Variants in CCDC60 observed in about 807,000 individuals in gnomAD.
CCDC60 encodes coiled-coil domain-containing protein 60.
A neutral mutation model predicts 63.5 loss-of-function variants in CCDC60; 54 were observed. The observed-to-expected ratio is 0.85, with a 90% CI of 0.68 to 1.07. The LOEUF is 1.07. CCDC60 is among the 50% of genes least tolerant of loss of function. The pLI, the probability that CCDC60 is intolerant of heterozygous loss-of-function variation, is 0.00. For synonymous variants in CCDC60, 206 were observed against 238.8 expected (o/e 0.86, Z 1.27); for missense variants, 651 against 684.3 (o/e 0.95, Z 0.54).
intron 1 of CCDC60, among the ~76,000 whole-genome samples, chr12:119,421,055 T>C (rs760627235): frequency 6.1e-4 from 93 of 152,038 alleles, no homozygotes; most frequent in Admixed American, 1.4e-3. Flanking sequence ...CGCTCACCCC[T>C]CGACGGAGCA....
chr12:119,516,225 C>A (rs1431118019), intron 7 of CCDC60, among the ~76,000 whole-genome samples: 1 of 152,134 alleles, frequency 6.6e-6, no homozygotes, highest in African/African-American at 2.4e-5. Flanking sequence ...CATGCCTCAG[C>A]CCCCTGAGAA....
intron 2 of CCDC60, among the ~76,000 whole-genome samples, chr12:119,443,750 T>C (rs1593095838): frequency 6.6e-6 from 1 of 152,156 alleles, no homozygotes; most frequent in Non-Finnish European, 1.5e-5. Flanking sequence ...TCACAGGCAA[T>C]AGAACAAAAC....
chr12:119,337,642 A>G (rs1162031572), intron 1 of CCDC60, among the ~76,000 whole-genome samples: 2 of 152,206 alleles, frequency 1.3e-5, no homozygotes, highest in Non-Finnish European at 2.9e-5. Context: ...TCTAGTTAAA[A>G]ATGAGACTCG....
chr12:119,438,836 G>C (rs758712265), intron 2 of CCDC60, among the ~76,000 whole-genome samples: 1 of 152,078 alleles, frequency 6.6e-6, no homozygotes, highest in Non-Finnish European at 1.5e-5. Context: ...TTCTCCTCTT[G>C]GGATGGGACT....
At chr12:119,344,853 T>TCACACACA (rs1489223455) in intron 1 of CCDC60, among the ~76,000 whole-genome samples, 469 of 104,020 alleles carry the variant, frequency 4.5e-3, no homozygotes, top group Non-Finnish European at 6.4e-3. Flanking sequence ...TCTCTCTCTC[T>TCACACACA]CTCACACACA....
In CCDC60 at chr12:119,500,143, G is replaced by A; in HGVS notation, c.623G>A (p.Trp208Ter). ...INKDKSMGQK[W>*]EHFITAPKTK... ...AAGGACAAGTCCATGGGACAGAAAT[G>A]GGAGCATTTCATCACAGCGCCAAAG... Residue 208 changes from tryptophan to a stop codon, truncating the protein, a stop_gained, in exon 6 of 14, where the codon TGG becomes TAG. Transcript: ENST00000327554. LOFTEE classifies it high-confidence loss of function. 1 of 1,610,598 alleles carries A rather than the reference G, an allele frequency of 6.2e-7. No individual in the cohort carries two copies. The highest frequency in any genetic ancestry group is 8.5e-7 in the Non-Finnish European group (1 of 1,178,754).
intron 8 of CCDC60, among the ~76,000 whole-genome samples, chr12:119,519,414 TGTGTGTGTGTGTGTGTGTGTGCGC>T (rs1203008939): frequency 7.3e-6 from 1 of 137,492 alleles, no homozygotes; most frequent in Admixed American, 7.4e-5. Context: ...TGTGTGTGTG[TGTGTGTGTGTGTGTGTGTGTGCGC>T]GTGTGTGTGT....
At chr12:119,357,349 T>C (rs190621014) in intron 1 of CCDC60, among the ~76,000 whole-genome samples, 1 of 152,302 alleles carries the variant, frequency 6.6e-6, no homozygotes, top group Non-Finnish European at 1.5e-5. Context: ...ATTTCTTCCA[T>C]CTAACTATAT....
chr12:119,448,111 A>C (rs1046217182), intron 2 of CCDC60, among the ~76,000 whole-genome samples: 3 of 152,018 alleles, frequency 2.0e-5, no homozygotes, highest in African/African-American at 7.3e-5. Context: ...CATGATGCCT[A>C]TAGTAACAAT....
chr12:119,433,850 C>T (rs756597641), intron 2 of CCDC60, among the ~76,000 whole-genome samples: 12 of 152,164 alleles, frequency 7.9e-5, no homozygotes, highest in Non-Finnish European at 1.2e-4. Context: ...TCGCCTGTTC[C>T]GTCAGATGTT....
Position 119,540,702 on chromosome 12 carries a change from G to A in CCDC60, c.1640G>A (p.Ser547Asn), listed in dbSNP as rs149106624. ...SRINIPIGPY[S>N]ALR is the part of the protein sequence containing the mutation. Reference sequence around the variant, plus strand: ...ATCAACATACCCATTGGGCCCTACAGCGCCCTGAGGTAGGCTGGGCCTGGG... The same window carrying A: ...ATCAACATACCCATTGGGCCCTACAACGCCCTGAGGTAGGCTGGGCCTGGG... Residue 547 changes from serine to asparagine, a missense_variant, in exon 14 of 14, where the codon AGC becomes AAC. Ser to Asn is a conservative substitution (Grantham distance 46). Coordinates refer to ENST00000327554, the MANE Select transcript of CCDC60 (RefSeq NM_178499.5). The A allele has an allele frequency of 3.4e-3, 5,564 of 1,613,250 alleles. 101 individuals carry two copies. The highest frequency in any genetic ancestry group is 0.033 in the South Asian group (2,984 of 91,048).
chr12:119,352,729 G>A (rs971966994), intron 1 of CCDC60, among the ~76,000 whole-genome samples: 4 of 152,082 alleles, frequency 2.6e-5, no homozygotes, highest in African/African-American at 9.7e-5. Context: ...TGAAGGTCAG[G>A]AATTCGAGAC....
Position 119,357,706 on chromosome 12 carries a change from G to A in CCDC60, c.90+22440G>A, listed in dbSNP as rs1426550916. The stretch of plus-strand genomic sequence containing the variant: ...CGACCTCAGGTGATCCACCCACTTC[G>A]GCCTCCCAAAGTGCTGGGATTACAG... On this transcript the variant is annotated intron_variant, in intron 1 of 13. Transcript: ENST00000327554. 2.6e-5 allele frequency among the ~76,000 whole-genome samples: 4 copies of A among 152,044 alleles called. 1 individual carries two copies. Among genetic ancestry groups the A allele is most frequent in the Non-Finnish European group, 5.9e-5 (4 of 68,012 alleles).
chr12:119,370,301 G>T (rs1312201151), intron 1 of CCDC60, among the ~76,000 whole-genome samples: 1 of 152,248 alleles, frequency 6.6e-6, no homozygotes, highest in East Asian at 1.9e-4. Flanking sequence ...ATGTCAGGCA[G>T]ACAGTGCGCC....
At chr12:119,532,817 T>C (rs984086423) in intron 13 of CCDC60, among the ~76,000 whole-genome samples, 4 of 152,232 alleles carry the variant, frequency 2.6e-5, no homozygotes, top group Admixed American at 1.3e-4. Context: ...CAGTCTATCA[T>C]TGATGGGCAT....
chr12:119,480,766 A>G (rs768271777), intron 4 of CCDC60, among the ~76,000 whole-genome samples: 8 of 149,406 alleles, frequency 5.4e-5, no homozygotes, highest in Non-Finnish European at 8.9e-5. Flanking sequence ...CATCATCATC[A>G]TCACCATCAT....
intron 2 of CCDC60, among the ~76,000 whole-genome samples, chr12:119,468,837 G>T (rs1951002194): frequency 1.3e-5 from 2 of 151,942 alleles, no homozygotes; most frequent in African/African-American, 4.8e-5. Context: ...ATTTTGGGAG[G>T]CTGAGGCAAG....
Position 119,517,607 on chromosome 12 carries a change from A to G in CCDC60, c.968+900A>G, listed in dbSNP as rs1952388036. Reference sequence around the variant, plus strand: ...CCTGATGAGGCTGGCATGGGCGGGTAGGGAGGTGGGGAAGAGAGTATTATA... The same window carrying G: ...CCTGATGAGGCTGGCATGGGCGGGTGGGGAGGTGGGGAAGAGAGTATTATA... On this transcript the variant is annotated intron_variant, in intron 8 of 13. Transcript: ENST00000327554. Among the ~76,000 whole-genome samples the G allele has an allele frequency of 2.0e-5, 3 of 152,188 alleles. 1 individual carries two copies. The South Asian group carries it at 6.2e-4, about 31-fold the overall frequency.
At position 119,458,816 on chromosome 12, in the gene CCDC60, G is replaced by GGCT. The variant is rs1288071296; in HGVS notation, c.171-13177_171-13175dup. The stretch of plus-strand genomic sequence containing the variant: ...GGCTAGAGTGCAATGGCATGATCTC[G>GGCT]GCTCACAGTAACCTCCACCTCCTGG... On this transcript the variant is annotated intron_variant, in intron 2 of 13. Coordinates refer to ENST00000327554, the MANE Select transcript of CCDC60 (RefSeq NM_178499.5). Among the ~76,000 whole-genome samples the GGCT allele has an allele frequency of 8.6e-5, 13 of 152,012 alleles. No homozygotes were observed. In the East Asian group the frequency reaches 2.5e-3, roughly 29 times the overall value.
Sources: allele counts gnomAD v4.1 joint callset (sites outside exome capture counted in the v4.1 genomes callset), GRCh38; gene constraint gnomAD v4.1.1; transcripts MANE v1.5; gene names NCBI Gene and HGNC (gene_info 2026-07-23, HGNC 2026-07-21).